The following RABGAP1L variants were observed in gnomAD, a reference collection of about 807,000 sequenced individuals.
RABGAP1L encodes rab GTPase-activating protein 1-like.
A neutral mutation model predicts 137.7 loss-of-function variants in RABGAP1L; 63 were observed. The ratio of observed to expected loss-of-function variants is 0.46; its 90% CI spans 0.37 to 0.56. The LOEUF is 0.56. Ranked by LOEUF, RABGAP1L falls within the 20% of genes least tolerant of loss-of-function variation. The pLI is 0.00. For missense variants in RABGAP1L, 1,095 were observed against 1,244.0 expected (o/e 0.88, Z 1.80); for synonymous variants, 431 against 433.7 (o/e 0.99, Z 0.08).
chr1:174,362,453 A>G (rs1050544334), intron 11 of RABGAP1L, among the ~76,000 whole-genome samples: 3 of 151,386 alleles, frequency 2.0e-5, no homozygotes, highest in African/African-American at 7.3e-5. Context: ...GTTATTTTTG[A>G]CTTTTTAATA....
intron 1 of RABGAP1L, among the ~76,000 whole-genome samples, chr1:174,165,217 C>T (rs1200383760): frequency 1.3e-5 from 2 of 152,154 alleles, no homozygotes; most frequent in Non-Finnish European, 2.9e-5. Context: ...GGTACAATCT[C>T]GGCTCACTGC....
At chr1:174,847,285 G>T (rs1414883136) in intron 19 of RABGAP1L, among the ~76,000 whole-genome samples, 1 of 151,628 alleles carries the variant, frequency 6.6e-6, no homozygotes, top group African/African-American at 2.4e-5. Context: ...GTTAGCTGGT[G>T]ATTTTGCTCG....
intron 19 of RABGAP1L, among the ~76,000 whole-genome samples, chr1:174,871,902 AG>A (rs1366943939): frequency 6.6e-6 from 1 of 152,240 alleles, no homozygotes; most frequent in Non-Finnish European, 1.5e-5. Context: ...AATGCTTACA[AG>A]CACTTGAAAC....
At chr1:174,713,956 C>A (rs1032073072) in intron 17 of RABGAP1L, among the ~76,000 whole-genome samples, 53 of 152,224 alleles carry the variant, frequency 3.5e-4, no homozygotes, top group African/African-American at 1.2e-3. Context: ...AACACATAAC[C>A]GATTACACTC....
intron 3 of RABGAP1L, among the ~76,000 whole-genome samples, chr1:174,223,948 C>T (rs1005255631): frequency 6.6e-6 from 1 of 152,064 alleles, no homozygotes; most frequent in South Asian, 2.1e-4. Context: ...CTTCACATAC[C>T]ACTGGGGGAA....
At chr1:174,380,483 T>G (rs1686028218) in intron 12 of RABGAP1L, among the ~76,000 whole-genome samples, 1 of 151,588 alleles carries the variant, frequency 6.6e-6, no homozygotes, top group South Asian at 2.1e-4. Context: ...ATTGGTCTAT[T>G]CAGAGATTCA....
chr1:174,451,544 T>A (rs530438253), intron 13 of RABGAP1L, among the ~76,000 whole-genome samples: 1 of 152,210 alleles, frequency 6.6e-6, no homozygotes, highest in Middle Eastern at 3.2e-3. Context: ...TGATTATTCG[T>A]CAGTTAACTA....
At chr1:174,321,047 G>A (rs979047417) in intron 11 of RABGAP1L, among the ~76,000 whole-genome samples, 8 of 152,222 alleles carry the variant, frequency 5.3e-5, no homozygotes, top group Non-Finnish European at 8.8e-5. Flanking sequence ...AAGAGAATGC[G>A]TTCCTAGGGG....
At chr1:174,539,813 T>C (rs987610056) in intron 13 of RABGAP1L, among the ~76,000 whole-genome samples, 4 of 152,226 alleles carry the variant, frequency 2.6e-5, no homozygotes, top group Non-Finnish European at 5.9e-5. Flanking sequence ...TACCCAGTAA[T>C]GGGATGTCTG....
At position 174,561,628 on chromosome 1, in the gene RABGAP1L, C is replaced by T. The variant is rs150690318; in HGVS notation, c.1711-75747C>T. On this transcript the variant is annotated intron_variant, in intron 13 of 25. Transcript: ENST00000681986. ...AAACTATACTACAAGGCTACAGTAA[C>T]GAAAACAGCATGGTACTGGTACCAA... 4.3e-3 allele frequency among the ~76,000 whole-genome samples: 659 copies of T among 152,240 alleles called. 4 individuals are homozygous for T. Among genetic ancestry groups the T allele is most frequent in the Non-Finnish European group, 6.9e-3 (471 of 68,010 alleles).
chr1:174,511,764 A>G (rs890338674), intron 13 of RABGAP1L, among the ~76,000 whole-genome samples: 7 of 152,038 alleles, frequency 4.6e-5, no homozygotes, highest in Non-Finnish European at 8.8e-5. Flanking sequence ...CTGGGATTAC[A>G]GGCATGCACC....
intron 20 of RABGAP1L, chr1:174,957,933 G>A (rs768408811): frequency 1.4e-5 from 22 of 1,578,566 alleles, no homozygotes; most frequent in East Asian, 1.3e-4. Flanking sequence ...ATTTATACTG[G>A]GAATCTTCAT....
chr1:174,454,739 C>A (rs1655849129), intron 13 of RABGAP1L, among the ~76,000 whole-genome samples: 1 of 151,798 alleles, frequency 6.6e-6, no homozygotes, highest in African/African-American at 2.4e-5. Context: ...TTAGTAGAGA[C>A]TGGGTTCCAC....
At chr1:174,209,313 C>T (rs188456125) in intron 1 of RABGAP1L, among the ~76,000 whole-genome samples, 230 of 152,206 alleles carry the variant, frequency 1.5e-3, no homozygotes, top group African/African-American at 5.3e-3. Context: ...TTTTCCAGGC[C>T]TTGGCTCTTA....
chr1:174,240,814 A>G (rs1443529669), intron 4 of RABGAP1L, among the ~76,000 whole-genome samples: 1 of 152,132 alleles, frequency 6.6e-6, no homozygotes, highest in Non-Finnish European at 1.5e-5. Flanking sequence ...AGATTTAGGG[A>G]TGGGTGATAG....
chr1:174,785,753 G>A (rs1296838726), intron 18 of RABGAP1L, among the ~76,000 whole-genome samples: 1 of 152,146 alleles, frequency 6.6e-6, no homozygotes, highest in Non-Finnish European at 1.5e-5. Flanking sequence ...CTTCTCCACC[G>A]TTATGTGCAG....
At chr1:174,582,593 T>G (rs1023797248) in intron 13 of RABGAP1L, among the ~76,000 whole-genome samples, 1 of 152,052 alleles carries the variant, frequency 6.6e-6, no homozygotes, top group South Asian at 2.1e-4. Flanking sequence ...GAGAGAGAGA[T>G]GGAGGGAATG....
At chr1:174,503,103 G>A (rs1388078072) in intron 13 of RABGAP1L, among the ~76,000 whole-genome samples, 3 of 152,156 alleles carry the variant, frequency 2.0e-5, no homozygotes, top group Admixed American at 6.5e-5. Flanking sequence ...TCCATGTTGC[G>A]AAGTCAGTAG....
At chr1:174,695,377 G>C (rs1017752439) in intron 15 of RABGAP1L, among the ~76,000 whole-genome samples, 1 of 152,010 alleles carries the variant, frequency 6.6e-6, no homozygotes, top group Non-Finnish European at 1.5e-5. Context: ...TCTTCTGCTT[G>C]ATCATCTACT....
Sources: gnomAD v4.1 joint callset for allele counts (sites outside exome capture counted in the v4.1 genomes callset) on GRCh38, gnomAD v4.1.1 for gene constraint, MANE v1.5 for transcripts, NCBI Gene and HGNC (gene_info 2026-07-23, HGNC 2026-07-21) for gene names.